The following ARB2A variants were observed in gnomAD, a reference collection of about 807,000 sequenced individuals.
ARB2A encodes the protein cotranscriptional regulator ARB2A.
chr5:93,778,465 C>A, the ARB2A span, among the ~76,000 whole-genome samples: 1 of 152,080 alleles, frequency 6.6e-6, no homozygotes, highest in Non-Finnish European at 1.5e-5. Context: ...CTAATAAATT[C>A]AAAAATCATG....
At chr5:93,779,564 A>T in the ARB2A span, among the ~76,000 whole-genome samples, 1 of 152,140 alleles carries the variant, frequency 6.6e-6, no homozygotes, top group East Asian at 1.9e-4. Context: ...CTGAATAGGC[A>T]ACAAGGTATG....
At chr5:93,692,379 A>T in the ARB2A span, among the ~76,000 whole-genome samples, 1 of 152,210 alleles carries the variant, frequency 6.6e-6, no homozygotes, top group Non-Finnish European at 1.5e-5. Flanking sequence ...AAGCAAACAA[A>T]AAAGCAGGGG....
chr5:93,768,657 T>C, the ARB2A span, among the ~76,000 whole-genome samples: 1 of 152,044 alleles, frequency 6.6e-6, no homozygotes, highest in East Asian at 1.9e-4. Context: ...CACAGCTCAC[T>C]GCAGCCTTAA....
At chr5:93,844,675 A>G in the ARB2A span, among the ~76,000 whole-genome samples, 1 of 152,166 alleles carries the variant, frequency 6.6e-6, no homozygotes, top group Non-Finnish European at 1.5e-5. Context: ...AGAGTAACAG[A>G]AGAATAAAGA....
At chr5:93,725,688 T>A in the ARB2A span, among the ~76,000 whole-genome samples, 1 of 152,030 alleles carries the variant, frequency 6.6e-6, no homozygotes, top group African/African-American at 2.4e-5. Flanking sequence ...AAAAGATAGA[T>A]ACCAAATGAA....
chr5:93,877,202 A>G, the ARB2A span, among the ~76,000 whole-genome samples: 1 of 152,170 alleles, frequency 6.6e-6, no homozygotes, highest in African/African-American at 2.4e-5. Context: ...GAGTCTACAA[A>G]TAAGTCTCAC....
At chr5:94,069,569 A>C in the ARB2A span, among the ~76,000 whole-genome samples, 10 of 152,240 alleles carry the variant, frequency 6.6e-5, no homozygotes, top group Non-Finnish European at 8.8e-5. Context: ...ATACACAAGG[A>C]AATCAAACAA....
At chr5:93,964,497 G>T in the ARB2A span, 1 of 1,582,016 alleles carries the variant, frequency 6.3e-7, no homozygotes, top group South Asian at 1.1e-5. Flanking sequence ...CCTTTTCCAG[G>T]AGCTCATATA....
At chr5:93,650,577 CAG>C in the ARB2A span, among the ~76,000 whole-genome samples, 1 of 152,034 alleles carries the variant, frequency 6.6e-6, no homozygotes, top group Non-Finnish European at 1.5e-5. Flanking sequence ...GTAGAGAAAA[CAG>C]AGAATAGGGG....
the ARB2A span, among the ~76,000 whole-genome samples, chr5:93,758,646 T>C: frequency 8.5e-5 from 13 of 152,116 alleles, no homozygotes; most frequent in East Asian, 3.8e-4. Context: ...CGAATGAACA[T>C]TGGGTCAAAA....
At chr5:93,962,641 C>T in the ARB2A span, among the ~76,000 whole-genome samples, 9 of 151,892 alleles carry the variant, frequency 5.9e-5, no homozygotes, top group Admixed American at 1.3e-4. Context: ...TAAGAGAGCT[C>T]GGGAGAAAGC....
the ARB2A span, among the ~76,000 whole-genome samples, chr5:94,061,539 T>C: frequency 2.0e-5 from 3 of 152,144 alleles, no homozygotes; most frequent in Admixed American, 6.5e-5. Context: ...ATTGTCTACG[T>C]AGAAAATCCT....
the ARB2A span, chr5:93,865,906 C>T: frequency 6.1e-6 from 6 of 985,290 alleles, no homozygotes; most frequent in Admixed American, 1.8e-4. Flanking sequence ...TCCACCTTAT[C>T]GCTATGAGGG....
At chr5:93,890,623 G>T in the ARB2A span, among the ~76,000 whole-genome samples, 1 of 151,894 alleles carries the variant, frequency 6.6e-6, no homozygotes, top group East Asian at 1.9e-4. Context: ...GGAAGGGAAG[G>T]GTTAATGGGG....
the ARB2A span, among the ~76,000 whole-genome samples, chr5:93,971,904 A>G: frequency 6.6e-6 from 1 of 152,142 alleles, no homozygotes; most frequent in African/African-American, 2.4e-5. Flanking sequence ...TAGGGAGCAA[A>G]TCCTGCCAAA....
chr5:93,958,353 C>G, the ARB2A span, among the ~76,000 whole-genome samples: 1 of 151,936 alleles, frequency 6.6e-6, no homozygotes, highest in Admixed American at 6.6e-5. Context: ...TAGCAGATCT[C>G]CTTTAGTTTC....
At chr5:93,833,104 A>G in the ARB2A span, among the ~76,000 whole-genome samples, 2 of 152,134 alleles carry the variant, frequency 1.3e-5, no homozygotes, top group South Asian at 2.1e-4. Flanking sequence ...ATCCTATACC[A>G]TTTCATTGGT....
chr5:93,914,853 G>A, the ARB2A span, among the ~76,000 whole-genome samples: 1 of 151,808 alleles, frequency 6.6e-6, no homozygotes, highest in Non-Finnish European at 1.5e-5. Context: ...CCTACAACGT[G>A]TTACCCTCCC....
chr5:93,621,804 A>G, the ARB2A span, among the ~76,000 whole-genome samples: 1 of 152,180 alleles, frequency 6.6e-6, no homozygotes, highest in Non-Finnish European at 1.5e-5. Context: ...TACGCCTTGA[A>G]GTGTCCTGGC....
Sources: allele counts gnomAD v4.1 joint callset (sites outside exome capture counted in the v4.1 genomes callset), GRCh38; gene constraint gnomAD v4.1.1; transcripts MANE v1.5; gene names NCBI Gene and HGNC (gene_info 2026-07-23, HGNC 2026-07-21).